WDFY4: variants seen among roughly 807,000 people sequenced by gnomAD.
WDFY4 encodes the protein WD repeat- and FYVE domain-containing protein 4.
A neutral mutation model predicts 351.9 loss-of-function variants in WDFY4; 169 were observed. The ratio of observed to expected loss-of-function variants is 0.48; its 90% CI spans 0.42 to 0.55. The LOEUF is 0.55. WDFY4 is among the 20% of genes least tolerant of loss of function. The pLI, the probability that WDFY4 is intolerant of heterozygous loss-of-function variation, is 0.00. For synonymous variants in WDFY4, 1,622 were observed against 1,574.6 expected (o/e 1.03, Z -0.71); for missense variants, 3,803 against 3,935.6 (o/e 0.97, Z 0.90).
rs1362258682 is a variant in WDFY4, at chr10:48,963,998, C to A, written c.8380C>A (p.Leu2794Ile). 1 of 1,550,452 alleles carries A rather than the reference C, an allele frequency of 6.4e-7. No individual in the cohort carries two copies. Among genetic ancestry groups the A allele is most frequent in the South Asian group, 1.2e-5 (1 of 83,990 alleles). Reference protein sequence around the residue: ...RMDLSSITDPLIKSTILGFVS... With the variant: ...RMDLSSITDPIIKSTILGFVS... ...GGACCTCAGCAGCATCACTGACCCC[C>A]TCATCAAAAGCACCATCCTGGGGTT... The change falls in exon 54 of 62, where the codon CTC (leucine) becomes ATC (isoleucine). Residue 2794 changes from leucine (L) to isoleucine (I), a missense_variant. By Grantham distance (5) the Leu-to-Ile change is conservative (BLOSUM62 2). Coordinates refer to ENST00000325239, the MANE Select transcript of WDFY4 (RefSeq NM_001394531.1).
chr10:48,689,669 G>A (rs1466364684), intron 1 of WDFY4, among the ~76,000 whole-genome samples: 3 of 152,206 alleles, frequency 2.0e-5, no homozygotes, highest in African/African-American at 7.2e-5. Context: ...TTAGAGGAAT[G>A]ATACTTCTTG....
chr10:48,836,226 T>C (rs545081670), intron 39 of WDFY4, among the ~76,000 whole-genome samples: 2 of 152,372 alleles, frequency 1.3e-5, no homozygotes, highest in East Asian at 3.9e-4. Flanking sequence ...GCAATGTAAT[T>C]GATATTTTCT....
chr10:48,952,649 G>A (rs543558171), intron 51 of WDFY4, among the ~76,000 whole-genome samples: 2 of 152,268 alleles, frequency 1.3e-5, no homozygotes, highest in South Asian at 2.1e-4. Context: ...GCTGACCTTA[G>A]TGTCCCCTAC....
At chr10:48,890,531 G>A in intron 43 of WDFY4, 48 bp from the exon 44 acceptor site, 6 of 1,549,882 alleles carry the variant, frequency 3.9e-6, no homozygotes, top group Non-Finnish European at 5.2e-6. Context: ...CAAGAATCAT[G>A]GGCATGCTTC....
chr10:48,922,736 C>T (rs10776656), intron 47 of WDFY4, among the ~76,000 whole-genome samples: 78,453 of 151,982 alleles, frequency 0.52, 23,636 homozygotes, highest in East Asian at 1. Flanking sequence ...CGGATACATG[C>T]GACAACTTGG....
chr10:48,921,280 A>T (rs1226432952), intron 47 of WDFY4, among the ~76,000 whole-genome samples: 1 of 136,308 alleles, frequency 7.3e-6, no homozygotes, highest in Non-Finnish European at 1.6e-5. Flanking sequence ...GGTCAATGGA[A>T]CAGAAAATAG....
At chr10:48,974,725 A>T in intron 57 of WDFY4, 137 bp from the exon 58 acceptor site, 1 of 905,730 alleles carries the variant, frequency 1.1e-6, no homozygotes, top group East Asian at 2.7e-5. Flanking sequence ...CTGCACAGAC[A>T]ACAGACTTGG....
intron 12 of WDFY4, among the ~76,000 whole-genome samples, chr10:48,744,938 G>C (rs1290306496): frequency 6.6e-6 from 1 of 152,114 alleles, no homozygotes; most frequent in African/African-American, 2.4e-5. Flanking sequence ...TGCTTTTTCT[G>C]CTTCAGCACT....
At chr10:48,738,606 C>A (rs887921490) in intron 11 of WDFY4, among the ~76,000 whole-genome samples, 3 of 152,216 alleles carry the variant, frequency 2.0e-5, no homozygotes, top group African/African-American at 7.2e-5. Flanking sequence ...ACTCGCCCAC[C>A]ACTGAGTCAC....
intron 8 of WDFY4, 101 bp from the exon 9 acceptor site, chr10:48,731,009 C>T: frequency 7.6e-7 from 1 of 1,311,098 alleles, no homozygotes; most frequent in East Asian, 2.5e-5. Flanking sequence ...AGTTAGAACA[C>T]AGAAACTTCA....
chr10:48,832,339 A>C (rs1323031804), intron 38 of WDFY4, among the ~76,000 whole-genome samples: 3 of 152,244 alleles, frequency 2.0e-5, no homozygotes, highest in Non-Finnish European at 4.4e-5. Flanking sequence ...TGGATCAACA[A>C]GCCGTGGAGC....
intron 9 of WDFY4, 120 bp from the exon 10 acceptor site, chr10:48,733,811 C>T (rs1175648875): frequency 1.0e-5 from 9 of 861,740 alleles, no homozygotes; most frequent in Non-Finnish European, 1.6e-5. Flanking sequence ...GATACACACT[C>T]CCTTATGATG....
intron 42 of WDFY4, among the ~76,000 whole-genome samples, chr10:48,876,481 T>C (rs10776651): frequency 0.29 from 44,640 of 152,124 alleles, 7,516 homozygotes; most frequent in East Asian, 0.71. Context: ...CATTTTAAAA[T>C]GTCATCAGAA....
Position 48,822,501 on chromosome 10 carries a change from G to A in WDFY4, c.5946G>A (p.Arg1982=). 6.5e-7 allele frequency: 1 copy of A among 1,549,094 alleles called. No homozygotes were observed. Among genetic ancestry groups the A allele is most frequent in the Non-Finnish European group, 8.7e-7 (1 of 1,145,430 alleles). Residue 1982 remains arginine, a synonymous_variant, in exon 35 of 62, where the codon AGG becomes AGA. Transcript: ENST00000325239. ...LYSGMFSADP[R]HILLFILEHI... ...GTGGGATGTTCTCGGCAGACCCCAG[G>A]CATATCCTCCTCTTCATCCTGGAGC...
chr10:48,720,202 C>G (rs1245917434), intron 3 of WDFY4, 77 bp downstream of exon 3: 1 of 1,418,448 alleles, frequency 7.0e-7, no homozygotes, highest in African/African-American at 1.4e-5. Flanking sequence ...CCTCTCAGGC[C>G]CCCCTCTGCT....
Position 48,731,278 on chromosome 10 carries a change from T to G in WDFY4, c.1298T>G (p.Phe433Cys), listed in dbSNP as rs1314804625. ...TGGACCCTGCAGCCCATCTCGCAGT[T>G]TGTAGAGATCATGCCCCTGAAGCCG... ...LEWTLQPISQ[F>C]VEIMPLKPAP... is the part of the protein sequence containing the mutation. Residue 433 changes from phenylalanine to cysteine, a missense_variant, in exon 9 of 62, where the codon TTT (phenylalanine) becomes TGT (cysteine). By Grantham distance (205) the Phe-to-Cys change is radical. Transcript: ENST00000325239. 1 of 1,551,772 alleles carries G rather than the reference T, an allele frequency of 6.4e-7. No homozygotes were observed. Among genetic ancestry groups the G allele is most frequent in the Admixed American group, 2.0e-5 (1 of 50,986 alleles).
chr10:48,687,432 T>C (rs768430342), intron 1 of WDFY4, among the ~76,000 whole-genome samples: 1 of 152,180 alleles, frequency 6.6e-6, no homozygotes, highest in African/African-American at 2.4e-5. Flanking sequence ...TATAAGGTTG[T>C]AAAATTATTC....
At chr10:48,961,999 C>T (rs1183190081) in intron 53 of WDFY4, among the ~76,000 whole-genome samples, 1 of 152,092 alleles carries the variant, frequency 6.6e-6, no homozygotes, top group Non-Finnish European at 1.5e-5. Flanking sequence ...AGCCAGGCTT[C>T]ATCTAAGGAA....
chr10:48,731,574 T>G lies in WDFY4; in HGVS notation c.1582+12T>G. The G allele has an allele frequency of 6.5e-7, 1 of 1,547,008 alleles. No homozygotes were observed. Among genetic ancestry groups the G allele is most frequent in the Middle Eastern group, 1.7e-4 (1 of 5,966 alleles). On this transcript the variant is annotated intron_variant, in intron 9 of 61. Transcript: ENST00000325239. ...CATGAGGAAGTCAGGTGCCACTGGGTGCATTGGGAGGGATGGGCAGGGGTC... is the reference window on the plus strand; with the variant it reads ...CATGAGGAAGTCAGGTGCCACTGGGGGCATTGGGAGGGATGGGCAGGGGTC...
Sources: allele counts gnomAD v4.1 joint callset (sites outside exome capture counted in the v4.1 genomes callset), GRCh38; gene constraint gnomAD v4.1.1; transcripts MANE v1.5; gene names NCBI Gene and HGNC (gene_info 2026-07-23, HGNC 2026-07-21).